Variants in WDR27 observed in about 807,000 individuals in gnomAD.
WDR27 encodes the protein WD repeat-containing protein 27.
Under a neutral mutation model 114.4 loss-of-function variants are expected in WDR27, and 100 were observed. The ratio of observed to expected loss-of-function variants is 0.87; its 90% CI spans 0.74 to 1.03. The LOEUF (loss-of-function observed/expected upper bound fraction) is 1.03, where lower values mean the gene tolerates loss of function less well. WDR27 is among the 50% of genes least tolerant of loss of function. WDR27 has a pLI of 0.00. For synonymous variants in WDR27, 449 were observed against 423.1 expected, an observed-to-expected ratio of 1.06 and a Z score of -0.75; for missense variants, 1,129 against 1,092.9, an observed-to-expected ratio of 1.03 and a Z score of -0.47.
At chr6:169,483,849 C>G (rs1368826809) in intron 25 of WDR27, among the ~76,000 whole-genome samples, 1 of 151,856 alleles carries the variant, frequency 6.6e-6, no homozygotes, top group Non-Finnish European at 1.5e-5. Context: ...GGCTTCATCC[C>G]CAGATGCAAA....
chr6:169,428,204 C>T, the WDR27 span, among the ~76,000 whole-genome samples: 2 of 152,184 alleles, frequency 1.3e-5, no homozygotes, highest in African/African-American at 4.8e-5. Context: ...CATGCATTTT[C>T]TCCAGTGGAG....
intron 24 of WDR27, among the ~76,000 whole-genome samples, 177 bp from the exon 25 acceptor site, chr6:169,572,717 C>G (rs1335441312): frequency 6.6e-6 from 1 of 152,020 alleles, no homozygotes; most frequent in African/African-American, 2.4e-5. Context: ...GGTGAGGAAG[C>G]AAACAAGAGG....
chr6:169,444,805 C>T, the WDR27 span, among the ~76,000 whole-genome samples: 2 of 152,054 alleles, frequency 1.3e-5, no homozygotes, highest in Admixed American at 1.3e-4. Flanking sequence ...TCTGTCATTC[C>T]CAGGGTCTGA....
chr6:169,565,068 A>G (rs1284635727), intron 25 of WDR27, among the ~76,000 whole-genome samples: 7 of 152,008 alleles, frequency 4.6e-5, no homozygotes, highest in Non-Finnish European at 2.9e-5. Flanking sequence ...AGTCTAGCCA[A>G]GCCTCAGAAG....
intron 25 of WDR27, among the ~76,000 whole-genome samples, chr6:169,532,028 C>A (rs1445115956): frequency 3.3e-5 from 5 of 152,066 alleles, no homozygotes; most frequent in Non-Finnish European, 7.4e-5. Context: ...ATAAAAGTAT[C>A]TTTAAAGTCT....
chr6:169,557,314 A>G (rs1254147309), intron 25 of WDR27, among the ~76,000 whole-genome samples: 1 of 152,250 alleles, frequency 6.6e-6, no homozygotes, highest in African/African-American at 2.4e-5. Flanking sequence ...TTCATGTGAC[A>G]ACCCGGAACA....
At chr6:169,551,619 C>G (rs1379745551) in intron 25 of WDR27, among the ~76,000 whole-genome samples, 1 of 151,736 alleles carries the variant, frequency 6.6e-6, no homozygotes, top group African/African-American at 2.4e-5. Context: ...TGCCTGTAAT[C>G]CCAGCTACTC....
chr6:169,555,727 A>G (rs866380713), intron 25 of WDR27, among the ~76,000 whole-genome samples: 1 of 152,216 alleles, frequency 6.6e-6, no homozygotes, highest in Non-Finnish European at 1.5e-5. Context: ...CTAGGCAACT[A>G]TATAACTAAT....
At chr6:169,478,430 G>A (rs1470806912) in intron 25 of WDR27, among the ~76,000 whole-genome samples, 1 of 152,038 alleles carries the variant, frequency 6.6e-6, no homozygotes, top group Non-Finnish European at 1.5e-5. Context: ...GTAAAAGATG[G>A]CACTAATAAA....
chr6:169,540,294 A>G (rs1449760439), intron 25 of WDR27, among the ~76,000 whole-genome samples: 2 of 152,140 alleles, frequency 1.3e-5, no homozygotes, highest in Non-Finnish European at 2.9e-5. Context: ...TTAAAATTAT[A>G]TTGACTTCTT....
At chr6:169,696,392 A>G (rs1785986054) in intron 1 of WDR27, among the ~76,000 whole-genome samples, 1 of 152,216 alleles carries the variant, frequency 6.6e-6, no homozygotes, top group Non-Finnish European at 1.5e-5. Flanking sequence ...ACATGCATGC[A>G]CACACACAAA....
intron 1 of WDR27, among the ~76,000 whole-genome samples, chr6:169,699,551 A>G (rs1787264049): frequency 6.6e-6 from 1 of 152,182 alleles, no homozygotes; most frequent in Non-Finnish European, 1.5e-5. Context: ...GTAAGGGCAC[A>G]CGGTGGGCTC....
At chr6:169,434,745 T>A in the WDR27 span, among the ~76,000 whole-genome samples, 2 of 152,188 alleles carry the variant, frequency 1.3e-5, no homozygotes, top group Non-Finnish European at 2.9e-5. Flanking sequence ...CATTCAGCTT[T>A]ACAAGGGAAA....
chr6:169,491,644 G>A (rs534001977), intron 25 of WDR27, among the ~76,000 whole-genome samples: 1 of 152,228 alleles, frequency 6.6e-6, no homozygotes, highest in East Asian at 1.9e-4. Context: ...AAGCAGGAAG[G>A]GCAGGGAGCT....
chr6:169,663,902 G>T (rs976803435), intron 8 of WDR27, among the ~76,000 whole-genome samples: 1 of 152,224 alleles, frequency 6.6e-6, no homozygotes, highest in African/African-American at 2.4e-5. Flanking sequence ...ACCCATAGCT[G>T]CAAAGCTGCT....
chr6:169,511,630 C>A (rs146619198), intron 25 of WDR27, among the ~76,000 whole-genome samples: 177 of 152,154 alleles, frequency 1.2e-3, no homozygotes, highest in African/African-American at 4.0e-3. Flanking sequence ...TAAGTACATA[C>A]ATAATATCCT....
At chr6:169,427,959 G>A in the WDR27 span, among the ~76,000 whole-genome samples, 1 of 152,112 alleles carries the variant, frequency 6.6e-6, no homozygotes, top group Non-Finnish European at 1.5e-5. Flanking sequence ...GGCTTTCAGC[G>A]GGAGGGGAGG....
intron 18 of WDR27, among the ~76,000 whole-genome samples, chr6:169,637,625 T>C (rs189779529): frequency 1.6e-4 from 24 of 152,312 alleles, no homozygotes; most frequent in African/African-American, 5.8e-4. Context: ...GTGGCAAGTA[T>C]GTAAGCATGC....
At chr6:169,552,931 G>A (rs1424895717) in intron 25 of WDR27, among the ~76,000 whole-genome samples, 5 of 151,018 alleles carry the variant, frequency 3.3e-5, no homozygotes, top group South Asian at 2.1e-4. Context: ...AGCTAAGCGC[G>A]GCTCGCACGC....
Sources: gnomAD v4.1 joint callset for allele counts (sites outside exome capture counted in the v4.1 genomes callset) on GRCh38, gnomAD v4.1.1 for gene constraint, MANE v1.5 for transcripts, NCBI Gene and HGNC (gene_info 2026-07-23, HGNC 2026-07-21) for gene names.